Variants in LYST observed in about 807,000 individuals in gnomAD.
The protein encoded by LYST is lysosomal trafficking regulator.
In LYST, 192 loss-of-function variants were observed where a neutral mutation model predicts 413.6. The observed-to-expected ratio is 0.46, with a 90% CI of 0.41 to 0.52. The LOEUF (loss-of-function observed/expected upper bound fraction) is 0.52. Ranked by LOEUF, LYST falls within the 20% of genes least tolerant of loss-of-function variation. The pLI, the probability that LYST is intolerant of heterozygous loss-of-function variation, is 0.00. For synonymous variants in LYST, 1,525 were observed against 1,567.3 expected (o/e 0.97, Z 0.64); for missense variants, 3,815 against 4,499.9 (o/e 0.85, Z 4.35).
chr1:235,820,326 C>T (rs1674612142), intron 3 of LYST, among the ~76,000 whole-genome samples: 2 of 151,970 alleles, frequency 1.3e-5, no homozygotes, highest in South Asian at 4.1e-4. Flanking sequence ...AACTTGGACT[C>T]TATCCAGAAT....
At chr1:235,665,724 T>TCAGAACATC (rs1279034159) in intron 50 of LYST, among the ~76,000 whole-genome samples, 2 of 152,082 alleles carry the variant, frequency 1.3e-5, no homozygotes, top group Non-Finnish European at 2.9e-5. Context: ...AAAGTATTCT[T>TCAGAACATC]CAGAACATCT....
In LYST at chr1:235,663,849, C is replaced by CT. The variant is rs1195181742; in HGVS notation, c.11267+134dup. The CT allele has an allele frequency of 3.8e-5, 29 of 764,304 alleles. No individual in the cohort carries two copies. The East Asian group carries it at 6.9e-4, about 18-fold the overall frequency. 47.3% of individuals were successfully genotyped at this position (764,304 alleles called of 1,614,324 possible). A position where few individuals can be genotyped will look rare whatever the true frequency, so the allele number is the denominator to read the frequency against. On this transcript the variant is annotated intron_variant, in intron 52 of 52. Transcript: ENST00000389793. ...TTGCTGCTGGGTCACGGACAACCCG[C>CT]TGTGTGTTAAGTGGTTGGCTTTTCA...
intron 3 of LYST, among the ~76,000 whole-genome samples, chr1:235,817,143 A>G (rs1321798815): frequency 2.0e-5 from 3 of 152,174 alleles, no homozygotes; most frequent in Admixed American, 1.3e-4. Context: ...TACCAATTAG[A>G]GAAATGCAAA....
chr1:235,729,440 T>C (rs971909179), intron 37 of LYST, among the ~76,000 whole-genome samples, 156 bp downstream of exon 37: 3 of 152,246 alleles, frequency 2.0e-5, no homozygotes, highest in Admixed American at 6.5e-5. Flanking sequence ...TCATGACTCA[T>C]ATGCAATTAC....
In LYST at chr1:235,778,669, G is replaced by A. The variant is rs546926696; in HGVS notation, c.5215-1361C>T. ...CCCAAAGTGCTGGGATTACAAGCAT[G>A]AGCCACCGTGCCTGGCCTGTGCTTT... On this transcript the variant is annotated intron_variant, in intron 16 of 52. Coordinates refer to ENST00000389793, the MANE Select transcript of LYST (RefSeq NM_000081.4). 5.3e-5 allele frequency among the ~76,000 whole-genome samples: 8 copies of A among 151,970 alleles called. 1 individual carries two copies. The highest frequency in any genetic ancestry group is 1.9e-4 in the African/African-American group (8 of 41,436).
In LYST at chr1:235,802,924, G is replaced by A. The variant is rs774927604; in HGVS notation, c.3696C>T (p.Gly1232=). Residue 1232 remains glycine, a synonymous_variant, in exon 8 of 53, where the codon GGC becomes GGT. Transcript: ENST00000389793. ...EADSESNPED[G]ETQDDGVDLK... is the part of the protein sequence containing the mutation. ...ATATTTTACCATCATCCTGGGTTTC[G>A]CCATCTTCAGGATTGCTTTCACTAT... 6.8e-6 allele frequency: 11 copies of A among 1,613,152 alleles called. No individual in the cohort carries two copies. Among genetic ancestry groups the A allele is most frequent in the Non-Finnish European group, 9.3e-6 (11 of 1,179,740 alleles).
intron 43 of LYST, 34 bp from the exon 44 acceptor site, chr1:235,709,342 C>T (rs1337613880): frequency 1.3e-6 from 2 of 1,504,624 alleles, no homozygotes; most frequent in Non-Finnish European, 1.8e-6. Flanking sequence ...TATTTAACTC[C>T]CCCACAGCAA....
chr1:235,845,120 T>C (rs1172268238), intron 1 of LYST, among the ~76,000 whole-genome samples: 1 of 152,114 alleles, frequency 6.6e-6, no homozygotes, highest in Non-Finnish European at 1.5e-5. Context: ...AGGAAGCGGA[T>C]TGCTCCTGCA....
chr1:235,682,194 C>T (rs990648136), intron 48 of LYST, among the ~76,000 whole-genome samples: 1 of 152,028 alleles, frequency 6.6e-6, no homozygotes, highest in Non-Finnish European at 1.5e-5. Flanking sequence ...GCCTGTAGCC[C>T]CAGCTATTGG....
At chr1:235,835,930 C>A (rs1676521899) in intron 1 of LYST, among the ~76,000 whole-genome samples, 1 of 152,142 alleles carries the variant, frequency 6.6e-6, no homozygotes, top group Admixed American at 6.5e-5. Flanking sequence ...ACTATAATTT[C>A]AATTTCTAAT....
chr1:235,724,205 T>A, intron 38 of LYST, 25 bp from the exon 39 acceptor site: 1 of 1,589,490 alleles, frequency 6.3e-7, no homozygotes, highest in Non-Finnish European at 8.6e-7. Flanking sequence ...TAGGCAAAAA[T>A]ATTTGTTTTA....
chr1:235,673,119 C>G (rs534772420), intron 50 of LYST, among the ~76,000 whole-genome samples: 1 of 152,084 alleles, frequency 6.6e-6, no homozygotes, highest in East Asian at 1.9e-4. Flanking sequence ...CCATTATACC[C>G]GAGTCAAGAA....
At position 235,663,072 on chromosome 1, in the gene LYST, T is replaced by A. The variant is rs1658159408; in HGVS notation, c.11274A>T (p.Thr3758=). 1.3e-6 allele frequency: 2 copies of A among 1,579,188 alleles called. No individual in the cohort carries two copies. The highest frequency in any genetic ancestry group is 3.4e-4 in the Middle Eastern group (2 of 5,940). The part of the protein sequence containing the change: ...PKSNKPIISL[T]FSCDGHHLYT... ...ACAAATGGTGGCCATCACAAGAAAA[T>A]GTAAGGCTGTAAAAAAAAAAAAATT... The change falls in exon 53 of 53, where the codon ACA becomes ACT. Residue 3758 remains threonine, a synonymous_variant. Transcript: ENST00000389793.
Position 235,702,844 on chromosome 1 carries a change from T to C in LYST, c.10277A>G (p.Lys3426Arg), listed in dbSNP as rs1473404655. The change falls in exon 45 of 53, where the codon AAG (lysine) becomes AGG (arginine). Residue 3426 changes from lysine to arginine, a missense_variant. Physicochemically the swap from Lys to Arg is conservative, Grantham distance 26. This residue lies in a region of LYST where 866 missense variants were observed against 1,156.0 expected (regional missense o/e 0.75). Transcript: ENST00000389793. ...TGGAAGCTCTCCTTCAATATTGAGCTTGGCTCCAGGTCTGCTCACATGGGC... is the reference window on the plus strand; with the variant it reads ...TGGAAGCTCTCCTTCAATATTGAGCCTGGCTCCAGGTCTGCTCACATGGGC... ...HMAHVSRPGA[K>R]LNIEGELPAA... 6.2e-7 allele frequency: 1 copy of C among 1,614,234 alleles called. No individual in the cohort carries two copies. Among genetic ancestry groups the C allele is most frequent in the South Asian group, 1.1e-5 (1 of 91,086 alleles).
chr1:235,667,950 C>T (rs951901848), intron 50 of LYST, among the ~76,000 whole-genome samples: 4 of 151,994 alleles, frequency 2.6e-5, no homozygotes, highest in Admixed American at 6.6e-5. Context: ...GCATAGCCAC[C>T]GTGCCTGGCC....
At position 235,734,677 on chromosome 1, in the gene LYST, A is replaced by C. The variant is rs1664665811; in HGVS notation, c.8359-18T>G. 5 of 1,545,282 alleles carry C rather than the reference A, an allele frequency of 3.2e-6. No homozygotes were observed. Among genetic ancestry groups the C allele is most frequent in the Non-Finnish European group, 3.6e-6 (4 of 1,123,408 alleles). On this transcript the variant is annotated intron_variant, in intron 31 of 52. Coordinates refer to ENST00000389793, the MANE Select transcript of LYST (RefSeq NM_000081.4). ...GCTCCATGCTTTAAAAAAAGTAATA[A>C]TTTTTTAGTCATTTAGAATTTTAAT...
At chr1:235,830,784 A>G (rs891417949) in intron 2 of LYST, among the ~76,000 whole-genome samples, 1 of 152,326 alleles carries the variant, frequency 6.6e-6, no homozygotes, top group African/African-American at 2.4e-5. Context: ...ATATTTTATA[A>G]TAAATTGGTA....
At chr1:235,839,845 ATAAT>A (rs1373227033) in intron 1 of LYST, 1 of 151,792 alleles carries the variant, frequency 6.6e-6, no homozygotes, top group Non-Finnish European at 1.5e-5. Context: ...ATAAAATAAA[ATAAT>A]AAATAAATAA....
chr1:235,709,811 A>G (rs1290611261), intron 43 of LYST, among the ~76,000 whole-genome samples: 1 of 149,982 alleles, frequency 6.7e-6, no homozygotes, highest in African/African-American at 2.5e-5. Flanking sequence ...ACATTGTTAG[A>G]ATGAATTGCC....
Sources: gnomAD v4.1 joint callset for allele counts (sites outside exome capture counted in the v4.1 genomes callset) on GRCh38, gnomAD v4.1.1 for gene constraint, gnomAD v4.1.1 regional missense constraint, MANE v1.5 for transcripts, NCBI Gene and HGNC (gene_info 2026-07-23, HGNC 2026-07-21) for gene names.